The following CFAP47 variants were observed in gnomAD, a reference collection of about 807,000 sequenced individuals.
CFAP47 encodes the protein cilia- and flagella-associated protein 47.
A neutral mutation model predicts 148.1 loss-of-function variants in CFAP47; 29 were observed. That is an observed-to-expected ratio of 0.20 (90% CI 0.15 to 0.27). The LOEUF is 0.27. Ranked by LOEUF, CFAP47 falls within the 10% of genes least tolerant of loss-of-function variation. The pLI, the probability that CFAP47 is intolerant of heterozygous loss-of-function variation, is 1.00. For synonymous variants in CFAP47, 664 were observed against 577.3 expected (o/e 1.15, Z -2.15); for missense variants, 1,872 against 1,697.5 (o/e 1.10, Z -1.81).
At chrX:36,063,935 T>C (rs1051304643) in intron 26 of CFAP47, among the ~76,000 whole-genome samples, 4 of 112,242 alleles carry the variant, frequency 3.6e-5, no homozygotes, top group African/African-American at 1.3e-4. Context: ...AGCTGAGATT[T>C]GAAACTTCCA....
At position 35,953,776 on chromosome X, in the gene CFAP47, T is replaced by A; in HGVS notation, c.1174+57T>A. 6.5e-6 allele frequency: 6 copies of A among 928,369 alleles called. No individual in the cohort carries two copies. In the South Asian group the frequency reaches 1.6e-4, roughly 25 times the overall value. 76.5% of individuals were successfully genotyped at this position (928,369 alleles called of 1,213,427 possible). A position where few individuals can be genotyped will look rare whatever the true frequency, so the allele number is the denominator to read the frequency against. On this transcript the variant is annotated intron_variant, in intron 7 of 63. Transcript: ENST00000378653. ...CGTAGCCATTTAAATTGTTTAAAAA[T>A]TTGAACATGAATATCTGTAGAGACA...
intron 61 of CFAP47, among the ~76,000 whole-genome samples, chrX:36,362,257 A>G (rs962438177): frequency 1.8e-5 from 2 of 112,413 alleles, no homozygotes; most frequent in Non-Finnish European, 3.8e-5. Flanking sequence ...TAGGTTTTTT[A>G]CATGGGTATG....
intron 23 of CFAP47, among the ~76,000 whole-genome samples, chrX:36,034,613 A>T (rs185476477): frequency 9.0e-6 from 1 of 111,056 alleles, no homozygotes; most frequent in African/African-American, 3.3e-5. Context: ...TTAATATTAC[A>T]TTTTTTATTT....
intron 62 of CFAP47, among the ~76,000 whole-genome samples, chrX:36,369,855 G>A (rs1941913373): frequency 9.0e-6 from 1 of 111,635 alleles, no homozygotes; most frequent in Non-Finnish European, 1.9e-5. Flanking sequence ...ATATTGGCCT[G>A]GATTTAAGAA....
At position 35,967,629 on chromosome X, in the gene CFAP47, T is replaced by A; in HGVS notation, c.1611T>A (p.Pro537=). The part of the protein sequence containing the change: ...VVMKFDPGIL[P]SIRNPTGKFV... Reference sequence around the variant, plus strand: ...TCAATTCTATAAAAGGTATATTGCCTTCGATCCGTAATCCCACGGGAAAGT... The same window carrying A: ...TCAATTCTATAAAAGGTATATTGCCATCGATCCGTAATCCCACGGGAAAGT... The change falls in exon 10 of 64, where the codon CCT becomes CCA. Residue 537 remains proline (P), a synonymous_variant. Transcript: ENST00000378653. 8.3e-7 allele frequency: 1 copy of A among 1,206,299 alleles called. No individual in the cohort carries two copies. Among genetic ancestry groups the A allele is most frequent in the Non-Finnish European group, 1.1e-6 (1 of 891,426 alleles).
intron 60 of CFAP47, among the ~76,000 whole-genome samples, chrX:36,357,086 C>T (rs1178547606): frequency 9.0e-6 from 1 of 111,650 alleles, no homozygotes; most frequent in African/African-American, 3.3e-5. Flanking sequence ...AAGTGTGAAT[C>T]CTGGAATCAA....
intron 62 of CFAP47, among the ~76,000 whole-genome samples, chrX:36,378,979 T>G (rs1477188887): frequency 9.1e-6 from 1 of 110,308 alleles, no homozygotes; most frequent in East Asian, 2.9e-4. Context: ...GCCTGGTTAA[T>G]TTTTATATTT....
At chrX:36,138,267 C>A (rs978381964) in intron 34 of CFAP47, 81 bp from the exon 35 acceptor site, 2 of 913,933 alleles carry the variant, frequency 2.2e-6, no homozygotes, top group African/African-American at 2.1e-5. Context: ...TTAAATGATT[C>A]TTTGCCTAAC....
At chrX:36,371,575 G>A (rs782396342) in intron 62 of CFAP47, among the ~76,000 whole-genome samples, 25 of 91,087 alleles carry the variant, frequency 2.7e-4, no homozygotes, top group African/African-American at 7.4e-4. Context: ...ATATATGTGT[G>A]TATATATATG....
At chrX:36,009,322 A>C (rs1937014423) in intron 21 of CFAP47, among the ~76,000 whole-genome samples, 1 of 111,618 alleles carries the variant, frequency 9.0e-6, no homozygotes, top group African/African-American at 3.2e-5. Flanking sequence ...TAATCAAATT[A>C]AGAAAAAAAG....
At chrX:36,120,231 A>G (rs990094290) in intron 33 of CFAP47, among the ~76,000 whole-genome samples, 2 of 109,123 alleles carry the variant, frequency 1.8e-5, no homozygotes, top group Non-Finnish European at 3.8e-5. Context: ...GATGGTCTCA[A>G]TCTCCTGACC....
intron 22 of CFAP47, among the ~76,000 whole-genome samples, chrX:36,020,770 C>G (rs1937148647): frequency 8.9e-6 from 1 of 111,748 alleles, no homozygotes; most frequent in Non-Finnish European, 1.9e-5. Context: ...CAGCAGGTCA[C>G]TGGGTCTTGT....
At chrX:36,291,013 A>T (rs782159072) in intron 51 of CFAP47, among the ~76,000 whole-genome samples, 1 of 112,545 alleles carries the variant, frequency 8.9e-6, no homozygotes, top group South Asian at 3.7e-4. Context: ...GAAAAAATAG[A>T]TGAACTTTCT....
chrX:36,243,639 A>ATG (rs1403598585), intron 48 of CFAP47, among the ~76,000 whole-genome samples: 748 of 52,159 alleles, frequency 0.014, 7 homozygotes, highest in African/African-American at 0.044. Context: ...TAACTATTAT[A>ATG]TGTGTGTGTA....
intron 45 of CFAP47, among the ~76,000 whole-genome samples, chrX:36,212,918 G>A (rs1451734118): frequency 9.0e-6 from 1 of 110,541 alleles, no homozygotes; most frequent in Non-Finnish European, 1.9e-5. Context: ...TTCGAGACCA[G>A]CCTGGCCAAC....
rs773900453 is a variant in CFAP47 at position 35,964,059 on chromosome X, C to A, written c.1411-2506C>A. 1.4e-3 allele frequency among the ~76,000 whole-genome samples: 155 copies of A among 111,808 alleles called. 3 individuals are homozygous for A. The highest frequency in any genetic ancestry group is 4.4e-4 in the Non-Finnish European group (23 of 52,825). On this transcript the variant is annotated intron_variant, in intron 8 of 63. Coordinates refer to ENST00000378653, the MANE Select transcript of CFAP47 (RefSeq NM_001304548.2). ...ATGTAGGTAGTTACATTTGCCTGTG[C>A]TCTTAATTTCCTTGTCTGAATTTGA...
At chrX:36,360,114 G>C (rs1941816538) in intron 60 of CFAP47, among the ~76,000 whole-genome samples, 1 of 111,480 alleles carries the variant, frequency 9.0e-6, no homozygotes, top group South Asian at 3.7e-4. Context: ...ACTGTTTCCT[G>C]TCCTTCAATG....
At position 36,230,638 on chromosome X, in the gene CFAP47, G is replaced by T. The variant is rs782400635; in HGVS notation, c.7014+1814G>T. Among the ~76,000 whole-genome samples, 930 of 109,925 alleles carry T rather than the reference G, an allele frequency of 8.5e-3. 12 individuals are homozygous for T. Among genetic ancestry groups the T allele is most frequent in the African/African-American group, 0.029 (864 of 29,715 alleles). Reference sequence around the variant, plus strand: ...AATTAGATCCCATTTGTCAATTTTGGCTTTTGTTGCCATTGCTTCTGGTGT... The same window carrying T: ...AATTAGATCCCATTTGTCAATTTTGTCTTTTGTTGCCATTGCTTCTGGTGT... On this transcript the variant is annotated intron_variant, in intron 46 of 63. Coordinates refer to ENST00000378653, the MANE Select transcript of CFAP47 (RefSeq NM_001304548.2).
At chrX:36,187,796 G>A (rs1348538683) in intron 40 of CFAP47, among the ~76,000 whole-genome samples, 1 of 111,499 alleles carries the variant, frequency 9.0e-6, no homozygotes. Context: ...AGAAAATACA[G>A]TACAGTGTTA....
Sources: gnomAD v4.1 joint callset for allele counts (sites outside exome capture counted in the v4.1 genomes callset) on GRCh38, gnomAD v4.1.1 for gene constraint, MANE v1.5 for transcripts, NCBI Gene and HGNC (gene_info 2026-07-23, HGNC 2026-07-21) for gene names.